Variants in SHANK2 observed in about 807,000 individuals in gnomAD.
SHANK2 encodes SH3 and multiple ankyrin repeat domains protein 2.
Under a neutral mutation model 133.7 loss-of-function variants are expected in SHANK2, and 43 were observed. The ratio of observed to expected loss-of-function variants is 0.32; its 90% confidence interval spans 0.25 to 0.41. SHANK2 has a LOEUF of 0.41. Ranked by LOEUF, SHANK2 falls within the 10% of genes least tolerant of loss-of-function variation. The pLI, the probability that SHANK2 is intolerant of heterozygous loss-of-function variation, is 1.00. For synonymous variants in SHANK2, 1,017 were observed against 952.8 expected (o/e 1.07, Z -1.24); for missense variants, 1,994 against 2,235.8 (o/e 0.89, Z 2.18).
intron 3 of SHANK2, among the ~76,000 whole-genome samples, chr11:71,119,475 G>C (rs1555101082): frequency 2.6e-5 from 4 of 151,702 alleles, no homozygotes; most frequent in Non-Finnish European, 1.5e-5. Flanking sequence ...AGCTACTCTG[G>C]AGGCTGAGGC....
At position 70,818,348 on chromosome 11, in the gene SHANK2, G is replaced by GT. The variant is rs78016051; in HGVS notation, c.1493+2015dup. Among the ~76,000 whole-genome samples, 3 of 152,098 alleles carry GT rather than the reference G, an allele frequency of 2.0e-5. No homozygotes were observed. The East Asian group carries it at 5.8e-4, about 29-fold the overall frequency. Reference sequence around the variant, plus strand: ...ACATGCACACACACATGTGCATTCTGTCCCCCGTTCCTCACACATGAACAG... The same window carrying GT: ...ACATGCACACACACATGTGCATTCTGTTCCCCCGTTCCTCACACATGAACAG... On this transcript the variant is annotated intron_variant, in intron 12 of 25. Transcript: ENST00000601538.
chr11:70,791,929 C>T (rs1393629886), intron 14 of SHANK2, among the ~76,000 whole-genome samples: 1 of 152,234 alleles, frequency 6.6e-6, no homozygotes, highest in East Asian at 1.9e-4. Flanking sequence ...GGAAAGCCCA[C>T]TGGAGACTGT....
chr11:71,172,976 G>C (rs146933762), intron 2 of SHANK2, among the ~76,000 whole-genome samples: 1 of 152,226 alleles, frequency 6.6e-6, no homozygotes, highest in Non-Finnish European at 1.5e-5. Context: ...TCTGGCCTCC[G>C]GGGCCATTGG....
At chr11:71,139,949 G>A (rs1302936555) in intron 3 of SHANK2, among the ~76,000 whole-genome samples, 2 of 152,178 alleles carry the variant, frequency 1.3e-5, no homozygotes, top group Non-Finnish European at 2.9e-5. Context: ...GGTGGCATTG[G>A]GGGAGAAAAG....
chr11:70,802,217 T>G (rs978652606), intron 13 of SHANK2, among the ~76,000 whole-genome samples: 1 of 152,130 alleles, frequency 6.6e-6, no homozygotes, highest in Admixed American at 6.5e-5. Context: ...AAGGCACCTA[T>G]GAAAACCAAC....
chr11:70,737,289 G>A (rs560788433), intron 14 of SHANK2, among the ~76,000 whole-genome samples: 3 of 152,326 alleles, frequency 2.0e-5, no homozygotes, highest in Admixed American at 2.0e-4. Context: ...ACAAGTTCAA[G>A]GAAGATGCAT....
chr11:71,151,063 C>T (rs1303938245), intron 2 of SHANK2, among the ~76,000 whole-genome samples: 1 of 152,108 alleles, frequency 6.6e-6, no homozygotes, highest in Non-Finnish European at 1.5e-5. Context: ...CATGATTCAC[C>T]CAGCCCCACC....
intron 8 of SHANK2, among the ~76,000 whole-genome samples, chr11:71,088,513 C>T (rs1488574069): frequency 6.6e-6 from 1 of 151,392 alleles, no homozygotes; most frequent in Non-Finnish European, 1.5e-5. Flanking sequence ...GGAGGGACGT[C>T]CCCAACGTCC....
chr11:70,903,078 C>T (rs1555077143), intron 10 of SHANK2, among the ~76,000 whole-genome samples: 1 of 152,146 alleles, frequency 6.6e-6, no homozygotes, highest in South Asian at 2.1e-4. Flanking sequence ...GTGCTTACAC[C>T]TAACATTAAG....
chr11:70,486,647 G>A lies in SHANK2; in HGVS notation c.3646C>T (p.Leu1216=), dbSNP rs2058810712. ...TCCCTTGCGGAGAGTGCCAGGGCCA[G>A]CGGGGAGCTGGGATCAAGCAGCCGC... The part of the protein sequence containing the change: ...TGRLLDPSSP[L]ALALSARDRA... The change falls in exon 25 of 26, where the codon CTG becomes TTG. Residue 1216 remains leucine (L), a synonymous_variant. Transcript: ENST00000601538. This position sits in a 1 kb window ranked among gnomAD's most constrained non-coding sequence, Gnocchi z 8.0. 6.2e-7 allele frequency: 1 copy of A among 1,612,450 alleles called. No homozygotes were observed. The highest frequency in any genetic ancestry group is 8.5e-7 in the Non-Finnish European group (1 of 1,180,026).
At chr11:70,542,942 GGC>G (rs1491159280) in intron 17 of SHANK2, among the ~76,000 whole-genome samples, 25 of 152,066 alleles carry the variant, frequency 1.6e-4, no homozygotes, top group African/African-American at 5.8e-4. Context: ...GCAGGAAGGG[GGC>G]CCCCCCGGGA....
rs1435203954 is a variant in SHANK2, at chr11:71,094,551, G to C, written c.730C>G (p.Gln244Glu). 1 of 1,550,868 alleles carries C rather than the reference G, an allele frequency of 6.4e-7. No individual in the cohort carries two copies. The highest frequency in any genetic ancestry group is 8.7e-7 in the Non-Finnish European group (1 of 1,146,374). ...ALHKAARARN[Q>E]VALKTLLELG... ...CCCGAGTTTACCTTCAGGGCAACTT[G>C]GTTCCTCGCTCGGGCAGCTTTGTGT... The change falls in exon 7 of 26, where the codon CAA becomes GAA. Residue 244 changes from glutamine (Q) to glutamate (E), a missense_variant. Gln to Glu is a conservative substitution (Grantham distance 29, BLOSUM62 2). This residue lies in a region of SHANK2 where 653 missense variants were observed against 563.4 expected (regional missense o/e 1.16). Coordinates refer to ENST00000601538, the MANE Select transcript of SHANK2 (RefSeq NM_012309.5).
intron 11 of SHANK2, among the ~76,000 whole-genome samples, chr11:70,829,730 T>C (rs956635402): frequency 6.6e-6 from 1 of 152,096 alleles, no homozygotes; most frequent in African/African-American, 2.4e-5. Context: ...AGCAGACAAC[T>C]TTTCCCGCCC....
chr11:71,154,557 C>T (rs1464188631), intron 2 of SHANK2, among the ~76,000 whole-genome samples: 2 of 152,252 alleles, frequency 1.3e-5, no homozygotes, highest in East Asian at 3.8e-4. Flanking sequence ...GAACACAACA[C>T]ATGGGGGCCC....
chr11:70,695,240 C>T lies in SHANK2; in HGVS notation c.1853+3448G>A, dbSNP rs142296978. On this transcript the variant is annotated intron_variant, in intron 15 of 25. Coordinates refer to ENST00000601538, the MANE Select transcript of SHANK2 (RefSeq NM_012309.5). The stretch of plus-strand genomic sequence containing the variant: ...GACCTCTGGAGCTGGACGGTGGTGT[C>T]GGTTGCACAACACAGTGAATGTCTT... Among the ~76,000 whole-genome samples the T allele has an allele frequency of 2.4e-4, 36 of 151,986 alleles. No individual in the cohort carries two copies. In the East Asian group the frequency reaches 4.7e-3, roughly 20 times the overall value.
intron 11 of SHANK2, chr11:70,863,188 TC>T (rs1260559126): frequency 1.5e-4 from 58 of 374,678 alleles, no homozygotes; most frequent in African/African-American, 1.2e-3. Flanking sequence ...GTGAGAGAGG[TC>T]CCTGGTCAGG....
At chr11:70,755,603 G>A (rs1555038665) in intron 14 of SHANK2, among the ~76,000 whole-genome samples, 2 of 152,220 alleles carry the variant, frequency 1.3e-5, no homozygotes, top group Non-Finnish European at 2.9e-5. Flanking sequence ...AGATTCTGGG[G>A]ACAAGGCCCA....
Position 70,582,900 on chromosome 11 carries a change from C to A in SHANK2, c.2061+76928G>T, listed in dbSNP as rs138843222. Among the ~76,000 whole-genome samples, 865 of 152,250 alleles carry A rather than the reference C, an allele frequency of 5.7e-3. 15 individuals carry two copies. Among genetic ancestry groups the A allele is most frequent in the African/African-American group, 0.02 (835 of 41,548 alleles). On this transcript the variant is annotated intron_variant, in intron 17 of 25. Transcript: ENST00000601538. ...GGGTGTGCGTGTCTGATGAGCAGGA[C>A]CCTCAGGTGTTGGTGAGGTCTGAGA...
chr11:70,628,289 C>T (rs1555000671), intron 17 of SHANK2, among the ~76,000 whole-genome samples: 1 of 152,108 alleles, frequency 6.6e-6, no homozygotes, highest in African/African-American at 2.4e-5. Context: ...TGGCAGGATC[C>T]ACAGGTTAGG....
Sources: allele counts gnomAD v4.1 joint callset (sites outside exome capture counted in the v4.1 genomes callset), GRCh38; gene constraint gnomAD v4.1.1; regional missense constraint gnomAD v4.1.1; non-coding constraint Gnocchi (gnomAD v3.1); transcripts MANE v1.5; gene names NCBI Gene and HGNC (gene_info 2026-07-23, HGNC 2026-07-21).